Variants in SHROOM3 observed in about 807,000 individuals in gnomAD.
SHROOM3 encodes protein Shroom3.
In SHROOM3, 47 loss-of-function variants were observed where a neutral mutation model predicts 138.6. The ratio of observed to expected loss-of-function variants is 0.34; its 90% CI spans 0.27 to 0.43. The LOEUF is 0.43. Ranked by LOEUF, SHROOM3 falls within the 20% of genes least tolerant of loss-of-function variation. The probability of loss-of-function intolerance (pLI) is 1.00; values close to 1 mark genes in which losing one functional copy is unlikely to be tolerated. For synonymous variants in SHROOM3, 1,062 were observed against 1,063.3 expected, an observed-to-expected ratio of 1.00 and a Z score of 0.02; for missense variants, 2,491 against 2,596.5, an observed-to-expected ratio of 0.96 and a Z score of 0.88.
chr4:76,559,762 ACCTT>A (rs1448969168), intron 2 of SHROOM3, among the ~76,000 whole-genome samples: 1 of 152,182 alleles, frequency 6.6e-6, no homozygotes, highest in African/African-American at 2.4e-5. Context: ...AAGTAGAAAC[ACCTT>A]CTTAAAAGGC....
chr4:76,437,267 G>C (rs948241236), intron 1 of SHROOM3, among the ~76,000 whole-genome samples: 13 of 146,492 alleles, frequency 8.9e-5, no homozygotes, highest in African/African-American at 3.3e-4. Context: ...ACAAAAGGAT[G>C]TGCATATGTG....
chr4:76,657,924 G>A (rs923014069), intron 2 of SHROOM3, among the ~76,000 whole-genome samples: 1 of 152,176 alleles, frequency 6.6e-6, no homozygotes, highest in Non-Finnish European at 1.5e-5. Flanking sequence ...GACAGTCCTA[G>A]AACTGGTCCT....
chr4:76,669,458 T>C (rs971126226), intron 2 of SHROOM3, among the ~76,000 whole-genome samples: 1 of 152,068 alleles, frequency 6.6e-6, no homozygotes, highest in Admixed American at 6.5e-5. Flanking sequence ...CTGTCTCTAC[T>C]AAAAATTCAA....
At chr4:76,638,490 A>T (rs1735567700) in intron 2 of SHROOM3, among the ~76,000 whole-genome samples, 1 of 152,198 alleles carries the variant, frequency 6.6e-6, no homozygotes. Context: ...TCAAGGCTGT[A>T]GTAAGCTATG....
chr4:76,749,175 A>G (rs1356272087), intron 6 of SHROOM3, 85 bp downstream of exon 6: 1 of 1,279,828 alleles, frequency 7.8e-7, no homozygotes, highest in Non-Finnish European at 1.1e-6. Context: ...AGAAATTGAA[A>G]TGTGATGTCA....
chr4:76,468,365 C>T (rs1410882081), intron 1 of SHROOM3, among the ~76,000 whole-genome samples: 1 of 152,162 alleles, frequency 6.6e-6, no homozygotes, highest in Non-Finnish European at 1.5e-5. Context: ...TAGAAATACT[C>T]AATGTACACA....
At chr4:76,775,769 TGTACATACAC>T (rs1180376556) in intron 10 of SHROOM3, among the ~76,000 whole-genome samples, 1 of 151,726 alleles carries the variant, frequency 6.6e-6, no homozygotes, top group Non-Finnish European at 1.5e-5. Flanking sequence ...CATATATATG[TGTACATACAC>T]ATATATACAC....
chr4:76,632,422 G>A (rs1016674360), intron 2 of SHROOM3, among the ~76,000 whole-genome samples: 7 of 152,184 alleles, frequency 4.6e-5, no homozygotes, highest in Admixed American at 3.3e-4. Flanking sequence ...ACTCAGTAGG[G>A]TGTGGAGGTG....
At chr4:76,549,078 G>C (rs1380346280) in intron 1 of SHROOM3, among the ~76,000 whole-genome samples, 1 of 152,158 alleles carries the variant, frequency 6.6e-6, no homozygotes, top group African/African-American at 2.4e-5. Flanking sequence ...AGCAGGGCTT[G>C]GAGTTAGAAG....
intron 1 of SHROOM3, among the ~76,000 whole-genome samples, chr4:76,554,504 T>C (rs549453591): frequency 0.015 from 2,235 of 150,060 alleles, 47 homozygotes; most frequent in African/African-American, 0.05. Flanking sequence ...ACTGCAAGCG[T>C]CGGCTCTTGG....
chr4:76,662,322 C>T (rs1030065514), intron 2 of SHROOM3, among the ~76,000 whole-genome samples: 4 of 152,212 alleles, frequency 2.6e-5, no homozygotes, highest in Admixed American at 2.0e-4. Context: ...CCCAGAGCTG[C>T]TCTCTCTGCT....
intron 2 of SHROOM3, among the ~76,000 whole-genome samples, chr4:76,621,487 GTTAT>G (rs1280605022): frequency 6.6e-6 from 1 of 152,194 alleles, no homozygotes; most frequent in Non-Finnish European, 1.5e-5. Flanking sequence ...AGCCTTGGAG[GTTAT>G]TTATTTGTAT....
At chr4:76,535,201 T>C (rs1732926094) in intron 1 of SHROOM3, among the ~76,000 whole-genome samples, 1 of 152,190 alleles carries the variant, frequency 6.6e-6, no homozygotes, top group Non-Finnish European at 1.5e-5. Flanking sequence ...ACATGTTTTG[T>C]ATCCGCTAGG....
intron 2 of SHROOM3, among the ~76,000 whole-genome samples, chr4:76,633,519 G>A (rs970164429): frequency 8.6e-5 from 13 of 151,432 alleles, no homozygotes; most frequent in African/African-American, 2.2e-4. Context: ...AGCCGGGTGT[G>A]GTGGCGGGCG....
intron 1 of SHROOM3, among the ~76,000 whole-genome samples, chr4:76,513,286 C>T (rs1732376423): frequency 6.6e-6 from 1 of 151,938 alleles, no homozygotes; most frequent in African/African-American, 2.4e-5. Flanking sequence ...GAAGGGGAAG[C>T]TGGTTGCTGA....
At chr4:76,513,581 T>G (rs1732383148) in intron 1 of SHROOM3, among the ~76,000 whole-genome samples, 1 of 152,214 alleles carries the variant, frequency 6.6e-6, no homozygotes, top group South Asian at 2.1e-4. Flanking sequence ...TCCAAAGCAC[T>G]GGGATTACAG....
At chr4:76,761,669 C>A (rs17002202) in intron 9 of SHROOM3, among the ~76,000 whole-genome samples, 1,894 of 152,252 alleles carry the variant, frequency 0.012, 32 homozygotes, top group African/African-American at 0.043. Context: ...GTATAACTAA[C>A]CAGAGCTAGA....
intron 10 of SHROOM3, among the ~76,000 whole-genome samples, chr4:76,771,365 CAA>C (rs35063022): frequency 7.2e-5 from 10 of 138,922 alleles, no homozygotes; most frequent in Admixed American, 7.2e-5. Context: ...GCGACCACAT[CAA>C]AAAAAAAAAA....
intron 10 of SHROOM3, among the ~76,000 whole-genome samples, chr4:76,771,334 C>T (rs906052530): frequency 4.0e-5 from 6 of 151,362 alleles, no homozygotes; most frequent in South Asian, 2.1e-4. Context: ...GCCGAGATCA[C>T]GCCACTGCAC....
Sources: gnomAD v4.1 joint callset for allele counts (sites outside exome capture counted in the v4.1 genomes callset) on GRCh38, gnomAD v4.1.1 for gene constraint, MANE v1.5 for transcripts, NCBI Gene and HGNC (gene_info 2026-07-23, HGNC 2026-07-21) for gene names.